AFF4: variants seen among roughly 807,000 people sequenced by gnomAD.
AFF4 encodes AF4/FMR2 family member 4.
AFF4 carries 13 observed loss-of-function variants against 124.8 expected under a neutral mutation model. The ratio of observed to expected loss-of-function variants is 0.10; its 90% CI spans 0.07 to 0.17. The LOEUF (loss-of-function observed/expected upper bound fraction) is 0.17. AFF4 is among the 10% of genes least tolerant of loss of function. The pLI is 1.00. For missense variants in AFF4, 1,092 were observed against 1,403.8 expected (o/e 0.78, Z 3.55); for synonymous variants, 477 against 496.1 (o/e 0.96, Z 0.51).
chr5:132,925,745 A>G (rs528292454), intron 5 of AFF4, among the ~76,000 whole-genome samples: 7 of 152,362 alleles, frequency 4.6e-5, no homozygotes, highest in Admixed American at 4.6e-4. Context: ...CTGTTTAATA[A>G]TATCAAATGG....
At chr5:132,931,793 A>T (rs866433409) in intron 4 of AFF4, among the ~76,000 whole-genome samples, 2 of 152,110 alleles carry the variant, frequency 1.3e-5, no homozygotes, top group African/African-American at 4.8e-5. Flanking sequence ...AAAATACAAA[A>T]ATCAGCCGGG....
chr5:132,889,251 T>C (rs1760196523), intron 13 of AFF4, 78 bp from the exon 14 acceptor site: 11 of 1,030,714 alleles, frequency 1.1e-5, no homozygotes, highest in East Asian at 9.9e-5. Flanking sequence ...CTTCAGCCAC[T>C]GGTAAAAAGG....
At chr5:132,916,018 G>A (rs1379480782) in intron 5 of AFF4, among the ~76,000 whole-genome samples, 1 of 151,820 alleles carries the variant, frequency 6.6e-6, no homozygotes, top group East Asian at 1.9e-4. Context: ...ACTTTGGGAG[G>A]GTGAGGCAGG....
rs764796288 is a variant in AFF4 at position 132,889,208 on chromosome 5, G to C, written c.2638-35C>G. 7 of 1,451,262 alleles carry C rather than the reference G, an allele frequency of 4.8e-6. No individual in the cohort carries two copies. The Admixed American group carries it at 1.1e-4, about 23-fold the overall frequency. 89.9% of individuals were successfully genotyped at this position (1,451,262 alleles called of 1,614,324 possible). A position where few individuals can be genotyped will look rare whatever the true frequency, so the allele number is the denominator to read the frequency against. On this transcript the variant is annotated intron_variant, in intron 13 of 20. Transcript: ENST00000265343. ...AAAATATATAACTACAATGAAAACCGTAAGGAGATTAAAAATGAAACTAAT... is the reference window on the plus strand; with the variant it reads ...AAAATATATAACTACAATGAAAACCCTAAGGAGATTAAAAATGAAACTAAT...
rs533155159 is a variant in AFF4 at position 132,924,683 on chromosome 5, G to A, written c.1050+2438C>T. 7.5e-4 allele frequency among the ~76,000 whole-genome samples: 114 copies of A among 152,050 alleles called. 1 individual carries two copies. The highest frequency in any genetic ancestry group is 2.7e-3 in the African/African-American group (114 of 41,476). ...AGCCTGGTCAACATGGTGAAACCCT[G>A]TCTCCACTAAAAATACAAAAAATTA... On this transcript the variant is annotated intron_variant, in intron 5 of 20. Transcript: ENST00000265343.
chr5:132,880,374 G>GATACCAAAAATACC lies in AFF4; in HGVS notation c.*684_*685insGGTATTTTTGGTAT, dbSNP rs1759944841. On this transcript the variant is annotated 3_prime_UTR_variant, in exon 21 of 21. Coordinates refer to ENST00000265343, the MANE Select transcript of AFF4 (RefSeq NM_014423.4). ...TTATTAACACACATTCACAGTTTTT[G>GATACCAAAAATACC]AAATAATGCATACCAAATCAGACAC... is the stretch of plus-strand genomic sequence containing the variant. The GATACCAAAAATACC allele has an allele frequency of 2.5e-6, 1 of 398,694 alleles. No homozygotes were observed. Among genetic ancestry groups the GATACCAAAAATACC allele is most frequent in the South Asian group, 1.3e-4 (1 of 7,856 alleles). The allele number at this position is 398,694 out of a possible 1,614,324, so 24.7% of individuals were successfully genotyped here.
At chr5:132,907,936 G>C (rs978145217) in intron 5 of AFF4, among the ~76,000 whole-genome samples, 17 of 152,148 alleles carry the variant, frequency 1.1e-4, no homozygotes, top group South Asian at 2.1e-4. Flanking sequence ...AAAGACCTGT[G>C]TGTGTGCAGC....
At chr5:132,900,410 A>C (rs761753164) in intron 7 of AFF4, among the ~76,000 whole-genome samples, 6 of 152,188 alleles carry the variant, frequency 3.9e-5, no homozygotes, top group Non-Finnish European at 8.8e-5. Flanking sequence ...TACAAAAATT[A>C]GCCTGGCGTG....
intron 16 of AFF4, 63 bp from the exon 17 acceptor site, chr5:132,887,655 A>G: frequency 1.3e-6 from 2 of 1,545,266 alleles, no homozygotes; most frequent in Admixed American, 3.4e-5. Flanking sequence ...TTATGATTTC[A>G]CTTGTCCTCA....
intron 7 of AFF4, 36 bp downstream of exon 7, chr5:132,902,406 A>C: frequency 1.3e-6 from 2 of 1,533,626 alleles, no homozygotes; most frequent in Non-Finnish European, 9.0e-7. Context: ...TTTAGCAAAA[A>C]TGATAAATAT....
At position 132,876,054 on chromosome 5, in the gene AFF4, T is replaced by C. The variant is rs1759830039; in HGVS notation, c.*5005A>G. On this transcript the variant is annotated 3_prime_UTR_variant, in exon 21 of 21. Coordinates refer to ENST00000265343, the MANE Select transcript of AFF4 (RefSeq NM_014423.4). Reference sequence around the variant, plus strand: ...AATAAATATATAAGCATTTCCATCCTCCATATACAAAATTTCTTAAAACCA... The same window carrying C: ...AATAAATATATAAGCATTTCCATCCCCCATATACAAAATTTCTTAAAACCA... The C allele has an allele frequency of 4.4e-6, 1 of 225,814 alleles. No homozygotes were observed. The highest frequency in any genetic ancestry group is 8.8e-6 in the Non-Finnish European group (1 of 113,496). 14.0% of individuals were successfully genotyped at this position (225,814 alleles called of 1,614,324 possible).
Position 132,892,278 on chromosome 5 carries a change from T to C in AFF4, c.2523A>G (p.Leu841=). The part of the protein sequence containing the change: ...RKRTISQSSS[L]KSSSNSNKET... Reference sequence around the variant, plus strand: ...CCTTGTTGCTGTTACTGCTTGACTTTAAGGAAGAAGACTGACTAATAGTCC... The same window carrying C: ...CCTTGTTGCTGTTACTGCTTGACTTCAAGGAAGAAGACTGACTAATAGTCC... Residue 841 remains leucine, a synonymous_variant, in exon 13 of 21, where the codon TTA becomes TTG. Transcript: ENST00000265343. 6.2e-7 allele frequency: 1 copy of C among 1,614,134 alleles called. No homozygotes were observed. Among genetic ancestry groups the C allele is most frequent in the Non-Finnish European group, 8.5e-7 (1 of 1,180,042 alleles).
intron 17 of AFF4, 111 bp from the exon 18 acceptor site, chr5:132,886,514 G>T: frequency 1.1e-6 from 1 of 904,418 alleles, no homozygotes; most frequent in Non-Finnish European, 1.7e-6. Flanking sequence ...CATGGCATAG[G>T]CCACAACATT....
rs920267014 is a variant in AFF4, at chr5:132,944,501, G to C, written c.-4-7308C>G. Among the ~76,000 whole-genome samples the C allele has an allele frequency of 5.3e-5, 8 of 152,112 alleles. 1 individual carries two copies. The highest frequency in any genetic ancestry group is 3.9e-4 in the East Asian group (2 of 5,150). The stretch of plus-strand genomic sequence containing the variant: ...TCTCTACAAAAAATACAAAAAATTA[G>C]CTGGGTGTGGTGGCATGCGTCTGTG... On this transcript the variant is annotated intron_variant, in intron 1 of 20. Transcript: ENST00000265343.
Position 132,934,662 on chromosome 5 carries a change from G to A in AFF4, c.403C>T (p.Arg135Trp), listed in dbSNP as rs774082170. Reference sequence around the variant, plus strand: ...CCACTACTGCTACCTGCGCTGGTCCGCTGGCTACTATGTCCACTCTGTAAG... The same window carrying A: ...CCACTACTGCTACCTGCGCTGGTCCACTGGCTACTATGTCCACTCTGTAAG... ...SGLQSGHSSQ[R>W]TSAGSSSGTN... Residue 135 changes from arginine to tryptophan, a missense_variant, in exon 3 of 21, where the codon CGG becomes TGG. Arg to Trp is a moderately radical substitution (Grantham distance 101). Coordinates refer to ENST00000265343, the MANE Select transcript of AFF4 (RefSeq NM_014423.4). The A allele has an allele frequency of 6.2e-6, 10 of 1,614,120 alleles. No homozygotes were observed. The highest frequency in any genetic ancestry group is 2.2e-5 in the East Asian group (1 of 44,880).
At chr5:132,940,325 C>T (rs943845952) in intron 1 of AFF4, among the ~76,000 whole-genome samples, 1 of 151,796 alleles carries the variant, frequency 6.6e-6, no homozygotes, top group Non-Finnish European at 1.5e-5. Context: ...AGTGAAACCC[C>T]ATCTCTACTA....
chr5:132,937,266 A>G, intron 1 of AFF4, 73 bp from the exon 2 acceptor site: 2 of 1,449,868 alleles, frequency 1.4e-6, no homozygotes, highest in Non-Finnish European at 9.2e-7. Context: ...AGATTTTGTC[A>G]GCTTAACACT....
intron 1 of AFF4, chr5:132,942,971 G>A (rs1257481452): frequency 4.6e-6 from 1 of 215,406 alleles, no homozygotes; most frequent in Non-Finnish European, 9.9e-6. Flanking sequence ...GTACACCTGG[G>A]TCTTGGATAA....
chr5:132,906,121 A>G (rs1391524580), intron 5 of AFF4, among the ~76,000 whole-genome samples: 1 of 152,216 alleles, frequency 6.6e-6, no homozygotes, highest in African/African-American at 2.4e-5. Flanking sequence ...CAGATGTAAC[A>G]AGTGTTGACA....
Sources: allele counts gnomAD v4.1 joint callset (sites outside exome capture counted in the v4.1 genomes callset), GRCh38; gene constraint gnomAD v4.1.1; transcripts MANE v1.5; gene names NCBI Gene and HGNC (gene_info 2026-07-23, HGNC 2026-07-21).